ACBD6: variants seen among roughly 807,000 people sequenced by gnomAD.
The protein encoded by ACBD6 is acyl-CoA-binding domain-containing protein 6.
Under a neutral mutation model 37.2 loss-of-function variants are expected in ACBD6, and 28 were observed. The ratio of observed to expected loss-of-function variants is 0.75; its 90% CI spans 0.56 to 1.03. ACBD6 has a LOEUF of 1.03. ACBD6 is among the 50% of genes least tolerant of loss of function. The probability of loss-of-function intolerance (pLI) is 0.00; values close to 1 mark genes in which losing one functional copy is unlikely to be tolerated. For missense variants in ACBD6, 340 were observed against 337.4 expected (o/e 1.01, Z -0.06); for synonymous variants, 113 against 126.8 (o/e 0.89, Z 0.73).
At chr1:180,318,171 C>CCG (rs1553291927) in intron 6 of ACBD6, among the ~76,000 whole-genome samples, 2 of 103,760 alleles carry the variant, frequency 1.9e-5, no homozygotes, top group Non-Finnish European at 4.0e-5. Flanking sequence ...CCGCCCCCCC[C>CCG]CCCCAAAAAA....
chr1:180,452,363 G>A (rs61122637), intron 3 of ACBD6, among the ~76,000 whole-genome samples: 5,723 of 152,030 alleles, frequency 0.038, 300 homozygotes, highest in African/African-American at 0.11. Context: ...CCAGCTACTC[G>A]GGAGGCTGAG....
intron 6 of ACBD6, among the ~76,000 whole-genome samples, chr1:180,345,623 A>G (rs980565800): frequency 7.2e-5 from 11 of 152,172 alleles, no homozygotes; most frequent in African/African-American, 2.7e-4. Context: ...AACACAGGGA[A>G]AGTTGAGTCG....
chr1:180,500,466 GCA>G (rs1651917398), intron 1 of ACBD6, among the ~76,000 whole-genome samples: 1 of 151,740 alleles, frequency 6.6e-6, no homozygotes, highest in Non-Finnish European at 1.5e-5. Flanking sequence ...GCCAAGGCAG[GCA>G]GATCACCTAA....
chr1:180,320,482 T>TA (rs112162763), intron 6 of ACBD6, among the ~76,000 whole-genome samples: 9,924 of 151,742 alleles, frequency 0.065, 804 homozygotes, highest in East Asian at 0.29. Context: ...TTAAAAAATA[T>TA]AAAAAAATTA....
At chr1:180,279,483 A>AGAT (rs1649241350) in intron 9 of ACBD6, among the ~76,000 whole-genome samples, 2 of 152,086 alleles carry the variant, frequency 1.3e-5, no homozygotes, top group Admixed American at 6.5e-5. Context: ...TTTTTAGTAG[A>AGAT]GACGGGGTTT....
At position 180,271,911 on chromosome 1, in the gene ACBD6, A is replaced by G. The variant is rs758543485; in HGVS notation, c.*1314T>C. ...GGGCGGCACCGCTGGGGGCAGTTCT[A>G]TAAGAGCGTCAAGAGGAGCCGGGGC... On this transcript the variant is annotated 3_prime_UTR_variant, in exon 14 of 14. Transcript: ENST00000642319. 1.6e-5 allele frequency: 26 copies of G among 1,613,474 alleles called. No homozygotes were observed. The highest frequency in any genetic ancestry group is 8.9e-5 in the East Asian group (4 of 44,798).
At chr1:180,361,101 C>T (rs554010790) in intron 6 of ACBD6, among the ~76,000 whole-genome samples, 119 of 152,178 alleles carry the variant, frequency 7.8e-4, no homozygotes, top group East Asian at 6.6e-3. Context: ...TTTTATTTAT[C>T]CCATTAGAGG....
intron 6 of ACBD6, among the ~76,000 whole-genome samples, chr1:180,327,286 C>T (rs1651291646): frequency 6.6e-6 from 1 of 152,190 alleles, no homozygotes; most frequent in South Asian, 2.1e-4. Context: ...GCTTTGCTCT[C>T]TGCTTTGACA....
At chr1:180,479,168 A>G (rs115494491) in intron 3 of ACBD6, among the ~76,000 whole-genome samples, 373 of 152,290 alleles carry the variant, frequency 2.4e-3, no homozygotes, top group African/African-American at 8.7e-3. Flanking sequence ...TCTCATTTAA[A>G]GCCTCTTCTC....
chr1:180,424,626 C>T (rs976709355), intron 4 of ACBD6, among the ~76,000 whole-genome samples: 12 of 152,040 alleles, frequency 7.9e-5, no homozygotes, highest in African/African-American at 2.9e-4. Flanking sequence ...TATATGCACA[C>T]ATACATACAC....
chr1:180,464,640 C>T (rs1187985985), intron 3 of ACBD6, among the ~76,000 whole-genome samples: 1 of 152,072 alleles, frequency 6.6e-6, no homozygotes, highest in Non-Finnish European at 1.5e-5. Context: ...AATGCTATTC[C>T]TATCAAACTA....
chr1:180,326,927 G>A (rs1651277650), intron 6 of ACBD6, among the ~76,000 whole-genome samples: 1 of 152,118 alleles, frequency 6.6e-6, no homozygotes, highest in African/African-American at 2.4e-5. Flanking sequence ...TATCCAAGAT[G>A]TAAGACAAAG....
At chr1:180,333,363 T>C (rs1651562809) in intron 6 of ACBD6, among the ~76,000 whole-genome samples, 1 of 152,154 alleles carries the variant, frequency 6.6e-6, no homozygotes, top group South Asian at 2.1e-4. Context: ...ACAACACAAG[T>C]GATATAGCTT....
intron 12 of ACBD6, chr1:180,272,740 G>A (rs1412741331): frequency 6.6e-6 from 1 of 152,242 alleles, no homozygotes; most frequent in Non-Finnish European, 1.5e-5. Context: ...TCAGAGACCT[G>A]GTTTCCAGTG....
chr1:180,501,420 C>T (rs1243988385), intron 1 of ACBD6, among the ~76,000 whole-genome samples: 1 of 152,106 alleles, frequency 6.6e-6, no homozygotes, highest in Non-Finnish European at 1.5e-5. Flanking sequence ...GCACAATCTT[C>T]GCTCACCGCA....
At chr1:180,291,381 A>G (rs1649700878) in intron 7 of ACBD6, among the ~76,000 whole-genome samples, 1 of 152,194 alleles carries the variant, frequency 6.6e-6, no homozygotes, top group East Asian at 1.9e-4. Flanking sequence ...GCACTTTACT[A>G]TTATTAAAAA....
chr1:180,316,847 C>G (rs1650833122), intron 6 of ACBD6, among the ~76,000 whole-genome samples: 1 of 152,044 alleles, frequency 6.6e-6, no homozygotes. Context: ...AATCAATAAG[C>G]AAATAAATAT....
At chr1:180,454,112 T>C (rs1456342725) in intron 3 of ACBD6, among the ~76,000 whole-genome samples, 1 of 152,176 alleles carries the variant, frequency 6.6e-6, no homozygotes, top group East Asian at 1.9e-4. Flanking sequence ...TCACGCTACC[T>C]GACTTCAAAC....
Position 180,274,482 on chromosome 1 carries a change from C to T in ACBD6, c.*936+169G>A. 3 of 1,613,960 alleles carry T rather than the reference C, an allele frequency of 1.9e-6. No homozygotes were observed. In the South Asian group the frequency reaches 3.3e-5, roughly 18 times the overall value. On this transcript the variant is annotated intron_variant, in intron 10 of 13. Transcript: ENST00000642319. ...ACGCTGAGAGCCATGGCTGGGGGACCCACCTCTGACATCTCCACAGGAAGC... is the reference window on the plus strand; with the variant it reads ...ACGCTGAGAGCCATGGCTGGGGGACTCACCTCTGACATCTCCACAGGAAGC...
Sources: allele counts gnomAD v4.1 joint callset (sites outside exome capture counted in the v4.1 genomes callset), GRCh38; gene constraint gnomAD v4.1.1; transcripts MANE v1.5; gene names NCBI Gene and HGNC (gene_info 2026-07-23, HGNC 2026-07-21).